Variants in CNTN5 observed in about 807,000 individuals in gnomAD.
CNTN5 encodes contactin-5.
Under a neutral mutation model 129.1 loss-of-function variants are expected in CNTN5, and 77 were observed. That is an observed-to-expected ratio of 0.60 (90% CI 0.50 to 0.72). The LOEUF (loss-of-function observed/expected upper bound fraction) is 0.72, where lower values mean the gene tolerates loss of function less well. Among genes scored for constraint, CNTN5 ranks in the 30% least tolerant of loss-of-function variants. The pLI is 0.00. For synonymous variants in CNTN5, 509 were observed against 465.6 expected, an observed-to-expected ratio of 1.09 and a Z score of -1.20; for missense variants, 1,478 against 1,328.8, an observed-to-expected ratio of 1.11 and a Z score of -1.75.
intron 1 of CNTN5, among the ~76,000 whole-genome samples, chr11:99,132,912 A>T (rs528313587): frequency 6.6e-5 from 10 of 152,202 alleles, no homozygotes; most frequent in Non-Finnish European, 1.3e-4. Flanking sequence ...CTATTTAAAA[A>T]TTTTTATGGA....
At chr11:99,895,122 G>C (rs962516776) in intron 6 of CNTN5, among the ~76,000 whole-genome samples, 1 of 152,198 alleles carries the variant, frequency 6.6e-6, no homozygotes, top group Non-Finnish European at 1.5e-5. Context: ...AACCTTGGTA[G>C]CATCAGATAA....
chr11:99,452,386 T>A (rs1394246146), intron 2 of CNTN5, among the ~76,000 whole-genome samples: 1 of 148,790 alleles, frequency 6.7e-6, no homozygotes, highest in African/African-American at 2.5e-5. Context: ...TTTTTTTTTT[T>A]TTTTGGGACG....
chr11:100,291,532 C>A (rs945787324), intron 18 of CNTN5, among the ~76,000 whole-genome samples: 1 of 150,008 alleles, frequency 6.7e-6, no homozygotes, highest in African/African-American at 2.4e-5. Context: ...ACCGCATATT[C>A]TCACTCATAG....
intron 3 of CNTN5, among the ~76,000 whole-genome samples, chr11:99,665,283 A>G (rs528826259): frequency 1.1e-3 from 174 of 152,292 alleles, no homozygotes; most frequent in African/African-American, 4.0e-3. Flanking sequence ...ACCTGGAGTT[A>G]AGAAAGTTAG....
intron 1 of CNTN5, among the ~76,000 whole-genome samples, chr11:99,310,370 T>C (rs537846599): frequency 6.6e-6 from 1 of 152,294 alleles, no homozygotes; most frequent in African/African-American, 2.4e-5. Context: ...ACATTTATAA[T>C]AGTATTATTT....
At chr11:100,222,730 A>T (rs1450709242) in intron 15 of CNTN5, among the ~76,000 whole-genome samples, 1 of 152,056 alleles carries the variant, frequency 6.6e-6, no homozygotes, top group Non-Finnish European at 1.5e-5. Flanking sequence ...CCAGGAAAAA[A>T]AATCAAATCC....
At chr11:100,067,108 T>C (rs1943728596) in intron 10 of CNTN5, among the ~76,000 whole-genome samples, 2 of 152,150 alleles carry the variant, frequency 1.3e-5, no homozygotes, top group African/African-American at 4.8e-5. Context: ...AAATCTGTTG[T>C]AGAAGTCAAG....
intron 3 of CNTN5, among the ~76,000 whole-genome samples, chr11:99,785,002 T>C (rs1945464992): frequency 6.6e-6 from 1 of 151,906 alleles, no homozygotes; most frequent in South Asian, 2.1e-4. Context: ...GGTTTCACCA[T>C]GTTAGCCAGG....
At chr11:99,763,444 G>A (rs1364523192) in intron 3 of CNTN5, among the ~76,000 whole-genome samples, 1 of 152,082 alleles carries the variant, frequency 6.6e-6, no homozygotes, top group Non-Finnish European at 1.5e-5. Context: ...AATATTAAAA[G>A]AGAATCTTTT....
intron 1 of CNTN5, among the ~76,000 whole-genome samples, chr11:99,180,864 T>C (rs762881871): frequency 1.3e-5 from 2 of 152,194 alleles, no homozygotes; most frequent in Non-Finnish European, 2.9e-5. Flanking sequence ...TTGCCAGTGA[T>C]ATACACATAA....
At chr11:99,452,020 G>T (rs1006300507) in intron 2 of CNTN5, among the ~76,000 whole-genome samples, 1 of 152,000 alleles carries the variant, frequency 6.6e-6, no homozygotes, top group African/African-American at 2.4e-5. Flanking sequence ...TCACAGTAAA[G>T]TTCTAATATA....
intron 2 of CNTN5, among the ~76,000 whole-genome samples, chr11:99,502,562 C>T (rs1946466424): frequency 6.6e-6 from 1 of 152,136 alleles, no homozygotes; most frequent in Non-Finnish European, 1.5e-5. Context: ...GCTTCTCCTT[C>T]ACCTTTTTCC....
At chr11:99,913,214 A>T (rs1949706695) in intron 6 of CNTN5, among the ~76,000 whole-genome samples, 2 of 152,054 alleles carry the variant, frequency 1.3e-5, no homozygotes, top group African/African-American at 4.8e-5. Context: ...ATGAACAAAC[A>T]GTTAAATTTT....
At chr11:99,284,830 A>G (rs1359601831) in intron 1 of CNTN5, among the ~76,000 whole-genome samples, 1 of 152,082 alleles carries the variant, frequency 6.6e-6, no homozygotes, top group Non-Finnish European at 1.5e-5. Context: ...GCTGCTGGAT[A>G]GTAGATAAAT....
Position 99,707,507 on chromosome 11 carries a change from G to T in CNTN5, c.56-112037G>T, listed in dbSNP as rs575901030. ...ATTCGTAAAAAAATGAATTACACTG[G>T]AGTGAAGATAATAACAAACTAAAAA... On this transcript the variant is annotated intron_variant, in intron 3 of 24. Coordinates refer to ENST00000524871, the MANE Select transcript of CNTN5 (RefSeq NM_014361.4). 1.6e-3 allele frequency among the ~76,000 whole-genome samples: 247 copies of T among 151,774 alleles called. 1 individual carries two copies. Among genetic ancestry groups the T allele is most frequent in the African/African-American group, 5.6e-3 (231 of 41,508 alleles).
chr11:99,740,880 C>T (rs1320217705), intron 3 of CNTN5, among the ~76,000 whole-genome samples: 1 of 152,166 alleles, frequency 6.6e-6, no homozygotes, highest in Non-Finnish European at 1.5e-5. Flanking sequence ...CCTTACTGAA[C>T]ATGGTAAGTA....
intron 6 of CNTN5, among the ~76,000 whole-genome samples, chr11:99,862,880 C>T (rs1022045249): frequency 2.1e-4 from 32 of 152,030 alleles, no homozygotes; most frequent in Non-Finnish European, 1.0e-4. Flanking sequence ...GGCATGTAAC[C>T]TTCATTAATT....
chr11:99,648,892 G>C (rs1952058090), intron 3 of CNTN5, among the ~76,000 whole-genome samples: 1 of 151,656 alleles, frequency 6.6e-6, no homozygotes, highest in Non-Finnish European at 1.5e-5. Context: ...AATTCTAGAA[G>C]TTGAGAATGG....
intron 1 of CNTN5, among the ~76,000 whole-genome samples, chr11:99,262,407 G>A (rs1397393128): frequency 6.6e-6 from 1 of 151,972 alleles, no homozygotes; most frequent in African/African-American, 2.4e-5. Context: ...CATAATGATA[G>A]CTACTATTAT....
Sources: allele counts gnomAD v4.1 joint callset (sites outside exome capture counted in the v4.1 genomes callset), GRCh38; gene constraint gnomAD v4.1.1; transcripts MANE v1.5; gene names NCBI Gene and HGNC (gene_info 2026-07-23, HGNC 2026-07-21).